B4GALNT2: variants seen among roughly 807,000 people sequenced by gnomAD.
The protein encoded by B4GALNT2 is N-acetylneuraminylgalactosylglucosyl-glucoside beta-1,4-N- acetylgalactosaminyltransferase 2.
A neutral mutation model predicts 51.1 loss-of-function variants in B4GALNT2; 42 were observed. The ratio of observed to expected loss-of-function variants is 0.82; its 90% CI spans 0.64 to 1.06. B4GALNT2 has a LOEUF of 1.06. Ranked by LOEUF, B4GALNT2 falls within the 50% of genes least tolerant of loss-of-function variation. The pLI is 0.00. For synonymous variants in B4GALNT2, 253 were observed against 251.7 expected (o/e 1.01, Z -0.05); for missense variants, 602 against 633.6 (o/e 0.95, Z 0.54).
chr17:49,152,623 C>T (rs1228240844), intron 3 of B4GALNT2, among the ~76,000 whole-genome samples, 177 bp from the exon 4 acceptor site: 1 of 152,244 alleles, frequency 6.6e-6, no homozygotes, highest in Non-Finnish European at 1.5e-5. Flanking sequence ...TTGCAGTGAG[C>T]CGAGATCGCA....
the B4GALNT2 span, among the ~76,000 whole-genome samples, chr17:49,122,769 G>A: frequency 6.6e-6 from 1 of 152,168 alleles, no homozygotes; most frequent in South Asian, 2.1e-4. Context: ...CATTTTTCCT[G>A]CTATGAGGAT....
In B4GALNT2 at chr17:49,166,190, T is replaced by C; in HGVS notation, c.1031T>C (p.Leu344Pro). 6.2e-7 allele frequency: 1 copy of C among 1,614,194 alleles called. No individual in the cohort carries two copies. The highest frequency in any genetic ancestry group is 2.2e-5 in the East Asian group (1 of 44,894). Residue 344 changes from leucine to proline, a missense_variant, in exon 9 of 11, where the codon CTC becomes CCC. Transcript: ENST00000393354. Reference sequence around the variant, plus strand: ...GTTCTCTGGGTGGACGATGATTTTCTCTTCAACGAGGAGACCAAGATTGAG... The same window carrying C: ...GTTCTCTGGGTGGACGATGATTTTCCCTTCAACGAGGAGACCAAGATTGAG... ...KYVLWVDDDF[L>P]FNEETKIEVL...
chr17:49,154,686 C>T (rs1482308464), intron 4 of B4GALNT2, among the ~76,000 whole-genome samples: 2 of 152,050 alleles, frequency 1.3e-5, no homozygotes, highest in Non-Finnish European at 2.9e-5. Flanking sequence ...ACCTGAATTT[C>T]ACAAACCACA....
chr17:49,166,235 A>G lies in B4GALNT2; in HGVS notation c.1076A>G (p.Glu359Gly). 3 of 1,614,048 alleles carry G rather than the reference A, an allele frequency of 1.9e-6. No individual in the cohort carries two copies. The highest frequency in any genetic ancestry group is 1.7e-5 in the Admixed American group (1 of 60,012). The change falls in exon 9 of 11, where the codon GAG (glutamate) becomes GGG (glycine). Residue 359 changes from glutamate (E) to glycine (G), a missense_variant. Glu to Gly is a moderately conservative substitution (Grantham distance 98). Coordinates refer to ENST00000393354, the MANE Select transcript of B4GALNT2 (RefSeq NM_001159387.2). ...TKIEVLVDVL[E>G]KTELDVVGGS... Reference sequence around the variant, plus strand: ...ATTGAGGTGCTGGTGGATGTCCTGGAGAAAACAGAACTGGACGTGGTAAGG... The same window carrying G: ...ATTGAGGTGCTGGTGGATGTCCTGGGGAAAACAGAACTGGACGTGGTAAGG...
In B4GALNT2 at chr17:49,172,849, A is replaced by G. The variant is rs1367249319; in HGVS notation, c.*3121A>G. 3 of 152,216 alleles carry G rather than the reference A, an allele frequency of 2.0e-5. No individual in the cohort carries two copies. Among genetic ancestry groups the G allele is most frequent in the Admixed American group, 2.0e-4 (3 of 15,290 alleles). 9.4% of individuals were successfully genotyped at this position (152,216 alleles called of 1,614,324 possible). On this transcript the variant is annotated 3_prime_UTR_variant, in exon 11 of 11. Transcript: ENST00000393354. ...AAAAGGTGTCCACACATACATGTAC[A>G]TAAGCTAGTCTCCCAAACGAGGGAA...
chr17:49,126,329 CCTAAT>C, the B4GALNT2 span, among the ~76,000 whole-genome samples: 54 of 152,114 alleles, frequency 3.5e-4, no homozygotes, highest in South Asian at 0.011. Flanking sequence ...ACCACCACTC[CCTAAT>C]CTCAAGTACC....
chr17:49,139,370 C>T (rs767195155), intron 1 of B4GALNT2, among the ~76,000 whole-genome samples: 18 of 152,166 alleles, frequency 1.2e-4, no homozygotes, highest in Non-Finnish European at 4.4e-5. Context: ...TCCCAAGTAG[C>T]TGGGACCACA....
the B4GALNT2 span, among the ~76,000 whole-genome samples, chr17:49,122,984 G>T: frequency 6.6e-6 from 1 of 152,184 alleles, no homozygotes; most frequent in Non-Finnish European, 1.5e-5. Flanking sequence ...TGGTGAAGTA[G>T]GGGTGAGACT....
In B4GALNT2 at chr17:49,172,489, C is replaced by T. The variant is rs2042963179; in HGVS notation, c.*2761C>T. 1 of 152,976 alleles carries T rather than the reference C, an allele frequency of 6.5e-6. No individual in the cohort carries two copies. The highest frequency in any genetic ancestry group is 2.4e-5 in the African/African-American group (1 of 41,500). 9.5% of individuals were successfully genotyped at this position (152,976 alleles called of 1,614,324 possible). ...TGCTGTTCAGCTGCTGGCCTTTAAG[C>T]AGGCTCAAAAAATTTAAAGTCAATA... On this transcript the variant is annotated 3_prime_UTR_variant, in exon 11 of 11. Coordinates refer to ENST00000393354, the MANE Select transcript of B4GALNT2 (RefSeq NM_001159387.2).
intron 3 of B4GALNT2, among the ~76,000 whole-genome samples, chr17:49,145,382 C>A (rs562441893): frequency 6.6e-6 from 1 of 152,182 alleles, no homozygotes; most frequent in African/African-American, 2.4e-5. Flanking sequence ...TCTTACGTCA[C>A]ATGATAAAGG....
At position 49,166,278 on chromosome 17, in the gene B4GALNT2, C is replaced by T. The variant is rs763311049; in HGVS notation, c.1095+24C>T. ...TGGTAAGGGACAGTTGCCAGTTTCACCCAGCCACAATCTGTAGAGATGGAG... is the reference window on the plus strand; with the variant it reads ...TGGTAAGGGACAGTTGCCAGTTTCATCCAGCCACAATCTGTAGAGATGGAG... On this transcript the variant is annotated intron_variant, in intron 9 of 10. Coordinates refer to ENST00000393354, the MANE Select transcript of B4GALNT2 (RefSeq NM_001159387.2). 2.5e-6 allele frequency: 4 copies of T among 1,609,684 alleles called. No homozygotes were observed. The Admixed American group carries it at 5.0e-5, about 20-fold the overall frequency.
chr17:49,126,250 T>G, the B4GALNT2 span, among the ~76,000 whole-genome samples: 1 of 152,118 alleles, frequency 6.6e-6, no homozygotes, highest in Non-Finnish European at 1.5e-5. Context: ...CAGGGTTAAA[T>G]GGATTAAGGG....
chr17:49,129,031 G>T (rs2144256797), upstream of B4GALNT2, among the ~76,000 whole-genome samples: 1 of 152,328 alleles, frequency 6.6e-6, no homozygotes, highest in Non-Finnish European at 1.5e-5. Flanking sequence ...CGGGATGGCA[G>T]ACCTGACTGT....
In B4GALNT2 at chr17:49,171,853, T is replaced by C; in HGVS notation, c.*2125T>C. On this transcript the variant is annotated 3_prime_UTR_variant, in exon 11 of 11. Transcript: ENST00000393354. The stretch of plus-strand genomic sequence containing the variant: ...GGCCAGGTCTAATTCTATTTACAAA[T>C]AGGTTTTGAGCTGCCTTTGCTTTGC... 8.7e-6 allele frequency: 3 copies of C among 344,810 alleles called. No homozygotes were observed. The highest frequency in any genetic ancestry group is 1.6e-5 in the Non-Finnish European group (3 of 183,094). 21.4% of individuals were successfully genotyped at this position (344,810 alleles called of 1,614,324 possible).
chr17:49,132,378 T>A (rs955551214), upstream of B4GALNT2: 2 of 191,530 alleles, frequency 1.0e-5, no homozygotes, highest in African/African-American at 2.3e-5. Context: ...GGACAGTAGG[T>A]GTGGAGTGCG....
chr17:49,144,358 A>G (rs2042673046), intron 3 of B4GALNT2, among the ~76,000 whole-genome samples: 3 of 152,232 alleles, frequency 2.0e-5, no homozygotes, highest in Admixed American at 2.0e-4. Context: ...AAGGCTCCCC[A>G]GAAGACAGAT....
intron 8 of B4GALNT2, among the ~76,000 whole-genome samples, chr17:49,165,147 T>C (rs939001179): frequency 2.0e-5 from 3 of 152,204 alleles, no homozygotes; most frequent in Admixed American, 1.3e-4. Flanking sequence ...TGGAAATCGA[T>C]TGGGGTCCTT....
At chr17:49,165,738 G>A (rs966391647) in intron 8 of B4GALNT2, among the ~76,000 whole-genome samples, 1 of 150,200 alleles carries the variant, frequency 6.7e-6, no homozygotes, top group Non-Finnish European at 1.5e-5. Flanking sequence ...AGGAGGAAAC[G>A]AATATTATAC....
chr17:49,163,522 G>A (rs7210509), intron 7 of B4GALNT2, among the ~76,000 whole-genome samples: 93,232 of 151,744 alleles, frequency 0.61, 29,028 homozygotes, highest in East Asian at 0.84. Context: ...TTAGGAGGCC[G>A]AGGCAGGTGG....
Sources: allele counts gnomAD v4.1 joint callset (sites outside exome capture counted in the v4.1 genomes callset), GRCh38; gene constraint gnomAD v4.1.1; transcripts MANE v1.5; gene names NCBI Gene and HGNC (gene_info 2026-07-23, HGNC 2026-07-21).